Variants in CD37 observed in about 807,000 individuals in gnomAD.
The protein encoded by CD37 is leukocyte antigen CD37.
Under a neutral mutation model 38.9 loss-of-function variants are expected in CD37, and 37 were observed. The ratio of observed to expected loss-of-function variants is 0.95; its 90% CI spans 0.73 to 1.25. The LOEUF (loss-of-function observed/expected upper bound fraction) is 1.25, where lower values mean the gene tolerates loss of function less well. Among genes scored for constraint, CD37 ranks in the 50% most tolerant of loss-of-function variants. CD37 has a pLI of 0.00. For synonymous variants in CD37, 146 were observed against 150.1 expected (o/e 0.97, Z 0.20); for missense variants, 351 against 360.1 (o/e 0.97, Z 0.20).
At chr19:49,337,646 C>G (rs191879345) in intron 4 of CD37, 8 of 1,510,420 alleles carry the variant, frequency 5.3e-6, no homozygotes, top group Admixed American at 2.0e-5. Context: ...CGACCTGGAC[C>G]AAGGGAGACA....
intron 4 of CD37, 98 bp from the exon 5 acceptor site, chr19:49,337,827 C>T: frequency 1.3e-6 from 2 of 1,584,032 alleles, no homozygotes; most frequent in Non-Finnish European, 1.7e-6. Flanking sequence ...TTGAGACTGG[C>T]CCAGAGATGC....
chr19:49,339,945 G>A lies in CD37; in HGVS notation c.769-306G>A, dbSNP rs1246293607. ...CTGGAAGTGCGGGCGCAGAATTAGAGGAGGCACAATTAGAGGCTGAGGCAG... is the reference window on the plus strand; with the variant it reads ...CTGGAAGTGCGGGCGCAGAATTAGAAGAGGCACAATTAGAGGCTGAGGCAG... On this transcript the variant is annotated intron_variant, in intron 7 of 7. Coordinates refer to ENST00000323906, the MANE Select transcript of CD37 (RefSeq NM_001774.3). This position sits in a 1 kb window ranked among gnomAD's most constrained non-coding sequence, Gnocchi z 4.5. 2.2e-6 allele frequency: 3 copies of A among 1,391,636 alleles called. No individual in the cohort carries two copies. Among genetic ancestry groups the A allele is most frequent in the East Asian group, 5.6e-5 (2 of 35,906 alleles). The allele number at this position is 1,391,636 out of a possible 1,614,324, so 86.2% of individuals were successfully genotyped here.
At position 49,339,256 on chromosome 19, in the gene CD37, G is replaced by A; in HGVS notation, c.685-74G>A. 1 of 1,355,232 alleles carries A rather than the reference G, an allele frequency of 7.4e-7. No individual in the cohort carries two copies. The allele number at this position is 1,355,232 out of a possible 1,614,324, so 84.0% of individuals were successfully genotyped here. On this transcript the variant is annotated intron_variant, in intron 6 of 7. Coordinates refer to ENST00000323906, the MANE Select transcript of CD37 (RefSeq NM_001774.3). The surrounding 1 kb of genome is among the most constrained non-coding windows in gnomAD (Gnocchi z 4.5). ...AGATGCCTGAAGACGGTGAGGGTTG[G>A]CCTGAAAAGAACGCTGGGCCTGGGC...
Position 49,339,036 on chromosome 19 carries a change from C to G in CD37, c.684+100C>G, listed in dbSNP as rs544260067. ...GCGGCCTGAGAAAGGGCGGGGTCTA[C>G]GAGAAAAGGAAAGGTACGGCAGGAG... On this transcript the variant is annotated intron_variant, in intron 6 of 7. Coordinates refer to ENST00000323906, the MANE Select transcript of CD37 (RefSeq NM_001774.3). The surrounding 1 kb of genome is among the most constrained non-coding windows in gnomAD (Gnocchi z 4.5). 1.7e-4 allele frequency: 166 copies of G among 991,328 alleles called. 1 individual carries two copies. In the South Asian group the frequency reaches 2.1e-3, roughly 13 times the overall value. 61.4% of individuals were successfully genotyped at this position (991,328 alleles called of 1,614,324 possible). A position where few individuals can be genotyped will look rare whatever the true frequency, so the allele number is the denominator to read the frequency against.
At chr19:49,336,093 T>C in intron 2 of CD37, 1 of 451,382 alleles carries the variant, frequency 2.2e-6, no homozygotes. Context: ...CCTTGATGGA[T>C]GTCATACAGC....
chr19:49,338,639 C>T lies in CD37; in HGVS notation c.448-61C>T, dbSNP rs1971050495. ...TGACCTCATACCCATCACCTTGTCC[C>T]CTGATCCCCAACATCATATGTCTCC... is the stretch of plus-strand genomic sequence containing the variant. On this transcript the variant is annotated intron_variant, in intron 5 of 7. Coordinates refer to ENST00000323906, the MANE Select transcript of CD37 (RefSeq NM_001774.3). The surrounding 1 kb of genome is among the most constrained non-coding windows in gnomAD (Gnocchi z 5.0). The T allele has an allele frequency of 7.8e-7, 1 of 1,276,744 alleles. No homozygotes were observed. Among genetic ancestry groups the T allele is most frequent in the African/African-American group, 1.5e-5 (1 of 68,670 alleles). The allele number at this position is 1,276,744 out of a possible 1,614,324, so 79.1% of individuals were successfully genotyped here.
rs757166046 is a variant in CD37 at position 49,338,671 on chromosome 19, G to T, written c.448-29G>T. 6.6e-7 allele frequency: 1 copy of T among 1,525,134 alleles called. No individual in the cohort carries two copies. The highest frequency in any genetic ancestry group is 2.3e-5 in the East Asian group (1 of 44,432). The allele number at this position is 1,525,134 out of a possible 1,614,324, so 94.5% of individuals were successfully genotyped here. On this transcript the variant is annotated intron_variant, in intron 5 of 7. Transcript: ENST00000323906. The surrounding 1 kb of genome is among the most constrained non-coding windows in gnomAD (Gnocchi z 5.0). ...CCCAACATCATATGTCTCCAGTCCCGGTCCCTCTGACTCGTATCCCTCTCC... is the reference window on the plus strand; with the variant it reads ...CCCAACATCATATGTCTCCAGTCCCTGTCCCTCTGACTCGTATCCCTCTCC...
At position 49,339,980 on chromosome 19, in the gene CD37, A is replaced by G; in HGVS notation, c.769-271A>G. 1 of 1,429,148 alleles carries G rather than the reference A, an allele frequency of 7.0e-7. No individual in the cohort carries two copies. The highest frequency in any genetic ancestry group is 9.1e-7 in the Non-Finnish European group (1 of 1,093,986). 88.5% of individuals were successfully genotyped at this position (1,429,148 alleles called of 1,614,324 possible). A position where few individuals can be genotyped will look rare whatever the true frequency, so the allele number is the denominator to read the frequency against. On this transcript the variant is annotated intron_variant, in intron 7 of 7. Coordinates refer to ENST00000323906, the MANE Select transcript of CD37 (RefSeq NM_001774.3). This position sits in a 1 kb window ranked among gnomAD's most constrained non-coding sequence, Gnocchi z 4.5. Reference sequence around the variant, plus strand: ...TTAGAGGCTGAGGCAGAGGGGGAAGACAGATGAGCCTCCAAAATAAAGGAC... The same window carrying G: ...TTAGAGGCTGAGGCAGAGGGGGAAGGCAGATGAGCCTCCAAAATAAAGGAC...
Position 49,339,654 on chromosome 19 carries a change from G to A in CD37, c.768+241G>A, listed in dbSNP as rs554931100. On this transcript the variant is annotated intron_variant, in intron 7 of 7. Coordinates refer to ENST00000323906, the MANE Select transcript of CD37 (RefSeq NM_001774.3). The surrounding 1 kb of genome is among the most constrained non-coding windows in gnomAD (Gnocchi z 4.5). ...GCTGCGATCTCCCTCCCCTTTCTCC[G>A]CAGATGACTGTCATGGTGCTGAGCG... is the stretch of plus-strand genomic sequence containing the variant. 5 of 1,428,344 alleles carry A rather than the reference G, an allele frequency of 3.5e-6. No individual in the cohort carries two copies. Among genetic ancestry groups the A allele is most frequent in the South Asian group, 1.5e-5 (1 of 66,418 alleles). The allele number at this position is 1,428,344 out of a possible 1,614,324, so 88.5% of individuals were successfully genotyped here. A position where few individuals can be genotyped will look rare whatever the true frequency, so the allele number is the denominator to read the frequency against.
At chr19:49,337,433 C>A (rs1970997987) in intron 4 of CD37, among the ~76,000 whole-genome samples, 1 of 152,008 alleles carries the variant, frequency 6.6e-6, no homozygotes, top group Non-Finnish European at 1.5e-5. Flanking sequence ...TTGAGACCAG[C>A]CTGGGCAACA....
intron 2 of CD37, chr19:49,336,557 C>A (rs1970963541): frequency 9.9e-6 from 2 of 201,174 alleles, no homozygotes; most frequent in Non-Finnish European, 2.0e-5. Flanking sequence ...GGCTCCAACT[C>A]AAAAAAAAAC....
In CD37 at chr19:49,337,938, T is replaced by C. The variant is rs1440346124; in HGVS notation, c.356T>C (p.Leu119Ser). 4 of 1,614,076 alleles carry C rather than the reference T, an allele frequency of 2.5e-6. No individual in the cohort carries two copies. The highest frequency in any genetic ancestry group is 3.4e-6 in the Non-Finnish European group (4 of 1,179,996). ...GTGGCCTCTCAGCTGGAGCGAAGCT[T>C]GCGGGACGTCGTAGAGAAAACCATC... ...STQRAQLERS[L>S]RDVVEKTIQK... is the part of the protein sequence containing the mutation. Residue 119 changes from leucine to serine, a missense_variant, in exon 5 of 8, where the codon TTG becomes TCG. Physicochemically the swap from Leu to Ser is moderately radical, Grantham distance 145. Transcript: ENST00000323906.
At position 49,335,609 on chromosome 19, in the gene CD37, C is replaced by G; in HGVS notation, c.69C>G (p.Phe23Leu). The change falls in exon 1 of 8, where the codon TTC becomes TTG. Residue 23 changes from phenylalanine (F) to leucine (L), a missense_variant and splice_region_variant. By Grantham distance (22) the Phe-to-Leu change is conservative. Coordinates refer to ENST00000323906, the MANE Select transcript of CD37 (RefSeq NM_001774.3). The surrounding 1 kb of genome is among the most constrained non-coding windows in gnomAD (Gnocchi z 4.6). The part of the protein sequence containing the change: ...YFLFVFNLFF[F>L]VLGSLIFCFG... ...TCTTCGTTTTCAACCTCTTCTTCTT[C>G]GTGAGTTGCCTCATGGCTACCCAGC... 6.2e-7 allele frequency: 1 copy of G among 1,613,618 alleles called. No individual in the cohort carries two copies. Among genetic ancestry groups the G allele is most frequent in the Non-Finnish European group, 8.5e-7 (1 of 1,179,568 alleles).
intron 4 of CD37, chr19:49,337,693 A>T (rs1172468518): frequency 6.5e-7 from 1 of 1,529,700 alleles, no homozygotes; most frequent in African/African-American, 1.4e-5. Flanking sequence ...CACGGGAAAA[A>T]GAGAGAACAA....
chr19:49,338,937 G>A lies in CD37; in HGVS notation c.684+1G>A. The A allele has an allele frequency of 6.2e-7, 1 of 1,610,368 alleles. No homozygotes were observed. Among genetic ancestry groups the A allele is most frequent in the African/African-American group, 1.3e-5 (1 of 74,982 alleles). ...TGCAGAGAGCCACATCTACCGCGAG[G>A]TGGGCAGGGGTTCGGAGCATAAACC... On this transcript the variant is annotated splice_donor_variant, in intron 6 of 7. Transcript: ENST00000323906. LOFTEE classifies it high-confidence loss of function. This position sits in a 1 kb window ranked among gnomAD's most constrained non-coding sequence, Gnocchi z 5.0.
In CD37 at chr19:49,339,943, G is replaced by A; in HGVS notation, c.769-308G>A. 2 of 1,389,944 alleles carry A rather than the reference G, an allele frequency of 1.4e-6. No homozygotes were observed. Among genetic ancestry groups the A allele is most frequent in the Non-Finnish European group, 1.9e-6 (2 of 1,070,836 alleles). The allele number at this position is 1,389,944 out of a possible 1,614,324, so 86.1% of individuals were successfully genotyped here. ...CACTGGAAGTGCGGGCGCAGAATTA[G>A]AGGAGGCACAATTAGAGGCTGAGGC... On this transcript the variant is annotated intron_variant, in intron 7 of 7. Coordinates refer to ENST00000323906, the MANE Select transcript of CD37 (RefSeq NM_001774.3). This position sits in a 1 kb window ranked among gnomAD's most constrained non-coding sequence, Gnocchi z 4.5.
At position 49,340,474 on chromosome 19, in the gene CD37, T is replaced by A; in HGVS notation, c.*146T>A. 1 of 684,778 alleles carries A rather than the reference T, an allele frequency of 1.5e-6. No individual in the cohort carries two copies. Among genetic ancestry groups the A allele is most frequent in the Admixed American group, 2.0e-5 (1 of 48,822 alleles). 42.4% of individuals were successfully genotyped at this position (684,778 alleles called of 1,614,324 possible). ...GGGGACCCACGTGGCTGCGTGCCCC[T>A]GCTGCTGTCACCTCTCCCACGGGAC... On this transcript the variant is annotated 3_prime_UTR_variant, in exon 8 of 8. Coordinates refer to ENST00000323906, the MANE Select transcript of CD37 (RefSeq NM_001774.3).
At position 49,338,026 on chromosome 19, in the gene CD37, C is replaced by A; in HGVS notation, c.444C>A (p.Phe148Leu). Reference sequence around the variant, plus strand: ...AGGAGAGCTGGGACTATGTGCAGTTCCAGGTAAGCCCCCCTCCTCCAGTTC... The same window carrying A: ...AGGAGAGCTGGGACTATGTGCAGTTACAGGTAAGCCCCCCTCCTCCAGTTC... ...AAEESWDYVQFQLRCCGWHYP... is the reference protein window; with the variant it reads ...AAEESWDYVQLQLRCCGWHYP... Residue 148 changes from phenylalanine to leucine, a missense_variant, in exon 5 of 8, where the codon TTC becomes TTA. Transcript: ENST00000323906. This position sits in a 1 kb window ranked among gnomAD's most constrained non-coding sequence, Gnocchi z 5.0. 1.2e-6 allele frequency: 2 copies of A among 1,613,772 alleles called. No individual in the cohort carries two copies. Among genetic ancestry groups the A allele is most frequent in the Non-Finnish European group, 1.7e-6 (2 of 1,179,888 alleles).
At position 49,335,691 on chromosome 19, in the gene CD37, G is replaced by T. The variant is rs774871014; in HGVS notation, c.70-23G>T. 1 of 1,613,172 alleles carries T rather than the reference G, an allele frequency of 6.2e-7. No individual in the cohort carries two copies. On this transcript the variant is annotated intron_variant, in intron 1 of 7. Coordinates refer to ENST00000323906, the MANE Select transcript of CD37 (RefSeq NM_001774.3). The surrounding 1 kb of genome is among the most constrained non-coding windows in gnomAD (Gnocchi z 4.6). The stretch of plus-strand genomic sequence containing the variant: ...TCATCTTCCCCTGTGGCCCACCCCC[G>T]TATCCGCATCTCCTCTCCCCAGGTC...
Sources: gnomAD v4.1 joint callset for allele counts (sites outside exome capture counted in the v4.1 genomes callset) on GRCh38, gnomAD v4.1.1 for gene constraint, Gnocchi (gnomAD v3.1) non-coding constraint, MANE v1.5 for transcripts, NCBI Gene and HGNC (gene_info 2026-07-23, HGNC 2026-07-21) for gene names.